Variants in ERC2 observed in about 807,000 individuals in gnomAD.
The protein encoded by ERC2 is ERC protein 2.
A neutral mutation model predicts 114.8 loss-of-function variants in ERC2; 42 were observed. That is an observed-to-expected ratio of 0.37 (90% CI 0.29 to 0.47). The LOEUF (loss-of-function observed/expected upper bound fraction) is 0.47, where lower values mean the gene tolerates loss of function less well. Among genes scored for constraint, ERC2 ranks in the 20% least tolerant of loss-of-function variants. The probability of loss-of-function intolerance (pLI) is 0.99; values close to 1 mark genes in which losing one functional copy is unlikely to be tolerated. For synonymous variants in ERC2, 454 were observed against 425.5 expected (o/e 1.07, Z -0.82); for missense variants, 939 against 1,150.7 (o/e 0.82, Z 2.66).
chr3:55,753,449 A>C (rs2066850147), intron 14 of ERC2, among the ~76,000 whole-genome samples: 1 of 152,054 alleles, frequency 6.6e-6, no homozygotes, highest in South Asian at 2.1e-4. Context: ...AAACTGCAAA[A>C]CCCCACAGGA....
At chr3:56,102,900 C>CT (rs200220674) in intron 6 of ERC2, among the ~76,000 whole-genome samples, 1,741 of 151,706 alleles carry the variant, frequency 0.011, 9 homozygotes, top group Middle Eastern at 0.017. Flanking sequence ...TATTTGACAA[C>CT]TTTTTTTTTG....
chr3:56,279,907 C>G (rs1454460611), intron 3 of ERC2, among the ~76,000 whole-genome samples: 2 of 152,110 alleles, frequency 1.3e-5, no homozygotes, highest in East Asian at 3.9e-4. Flanking sequence ...AGTAACGGAC[C>G]CCCTCAAAGA....
At chr3:56,072,479 A>C (rs548942849) in intron 7 of ERC2, 1 of 152,330 alleles carries the variant, frequency 6.6e-6, no homozygotes, top group South Asian at 2.1e-4. Flanking sequence ...ATATTTTCCA[A>C]ACCAGGAAAG....
At chr3:56,200,648 G>A (rs2048355409) in intron 3 of ERC2, among the ~76,000 whole-genome samples, 1 of 152,116 alleles carries the variant, frequency 6.6e-6, no homozygotes, top group South Asian at 2.1e-4. Flanking sequence ...TGCTGCTTAG[G>A]CTAAGGTGAC....
chr3:55,886,807 T>C (rs1019534430), intron 14 of ERC2, among the ~76,000 whole-genome samples: 66 of 152,260 alleles, frequency 4.3e-4, no homozygotes, highest in Admixed American at 5.2e-4. Flanking sequence ...TGTATCCTTT[T>C]AACAGTGTTA....
intron 7 of ERC2, chr3:56,072,023 G>T (rs1451610664): frequency 6.6e-6 from 1 of 152,182 alleles, no homozygotes; most frequent in Non-Finnish European, 1.5e-5. Flanking sequence ...TACACTGTTG[G>T]TGATTACTTG....
At chr3:56,048,610 A>C (rs748246013) in intron 7 of ERC2, among the ~76,000 whole-genome samples, 1 of 152,224 alleles carries the variant, frequency 6.6e-6, no homozygotes, top group African/African-American at 2.4e-5. Flanking sequence ...AAAATGTTTC[A>C]TTAACAAGAA....
In ERC2 at chr3:56,254,935, G is replaced by A. The variant is rs192159557; in HGVS notation, c.1074+41084C>T. 2.1e-3 allele frequency among the ~76,000 whole-genome samples: 324 copies of A among 152,186 alleles called. 5 individuals carry two copies. Among genetic ancestry groups the A allele is most frequent in the South Asian group, 5.4e-3 (26 of 4,806 alleles). On this transcript the variant is annotated intron_variant, in intron 3 of 17. Transcript: ENST00000288221. ...AGAAGATAATAATTTAGCTAATTCC[G>A]GTGAAAAATTATTGTAGCAATTATT...
intron 17 of ERC2, among the ~76,000 whole-genome samples, chr3:55,673,610 A>G (rs889443016): frequency 6.6e-6 from 1 of 152,014 alleles, no homozygotes; most frequent in African/African-American, 2.4e-5. Context: ...AAAAAAGAGG[A>G]GCAGAGAGGT....
chr3:55,691,561 AAAAAAAAAAAAAAT>A (rs1249974156), intron 16 of ERC2, among the ~76,000 whole-genome samples: 446 of 91,196 alleles, frequency 4.9e-3, no homozygotes, highest in Non-Finnish European at 5.9e-3. Context: ...AAAAAAAAAA[AAAAAAAAAAAAAAT>A]ATATATATAT....
chr3:56,390,363 T>G lies in ERC2; in HGVS notation c.657+43988A>C, dbSNP rs2060085556. Among the ~76,000 whole-genome samples, 6 of 152,214 alleles carry G rather than the reference T, an allele frequency of 3.9e-5. No individual in the cohort carries two copies. In the South Asian group the frequency reaches 1.2e-3, roughly 32 times the overall value. Reference sequence around the variant, plus strand: ...ATTTCACGACTTTCTTCTCCTAGCTTGCTTTTCAAACTAAACTAACACTAG... The same window carrying G: ...ATTTCACGACTTTCTTCTCCTAGCTGGCTTTTCAAACTAAACTAACACTAG... On this transcript the variant is annotated intron_variant, in intron 2 of 17. Transcript: ENST00000288221.
Position 55,970,102 on chromosome 3 carries a change from G to T in ERC2, c.2267+15875C>A, listed in dbSNP as rs1178128743. 9.9e-5 allele frequency among the ~76,000 whole-genome samples: 15 copies of T among 152,208 alleles called. No individual in the cohort carries two copies. The East Asian group carries it at 2.9e-3, about 29-fold the overall frequency. On this transcript the variant is annotated intron_variant, in intron 12 of 17. Coordinates refer to ENST00000288221, the MANE Select transcript of ERC2 (RefSeq NM_015576.3). ...CAGGAGCATATATGTTTGGGGTCAA[G>T]GTTCGCTTTATTTTAAAGTTTTGGC...
At chr3:56,461,252 G>A (rs1258059559) in intron 1 of ERC2, among the ~76,000 whole-genome samples, 1 of 152,174 alleles carries the variant, frequency 6.6e-6, no homozygotes. Context: ...TTTAGCAGAT[G>A]TGCTCAAAGA....
At chr3:55,548,655 T>C (rs995711763) in intron 17 of ERC2, among the ~76,000 whole-genome samples, 2 of 152,244 alleles carry the variant, frequency 1.3e-5, no homozygotes, top group Non-Finnish European at 2.9e-5. Context: ...ACCCCAGTTC[T>C]GACAATCAAA....
chr3:55,830,064 A>C (rs1270463694), intron 14 of ERC2, among the ~76,000 whole-genome samples: 4 of 152,204 alleles, frequency 2.6e-5, no homozygotes, highest in African/African-American at 9.6e-5. Context: ...CAAACAAATA[A>C]CAAACAAAAA....
chr3:56,182,478 G>A (rs2083341904), intron 3 of ERC2, among the ~76,000 whole-genome samples: 1 of 152,156 alleles, frequency 6.6e-6, no homozygotes, highest in South Asian at 2.1e-4. Flanking sequence ...ATAACTAACA[G>A]TTACTTACAC....
At chr3:55,841,400 T>A (rs1342120131) in intron 14 of ERC2, among the ~76,000 whole-genome samples, 1 of 152,180 alleles carries the variant, frequency 6.6e-6, no homozygotes, top group Non-Finnish European at 1.5e-5. Context: ...ATGTATGACA[T>A]GCCTTTGCTT....
intron 17 of ERC2, among the ~76,000 whole-genome samples, chr3:55,676,552 G>T (rs1232749030): frequency 1.3e-5 from 2 of 151,704 alleles, no homozygotes; most frequent in Non-Finnish European, 2.9e-5. Flanking sequence ...CCAGATGTGA[G>T]TGTCTGGACT....
At chr3:56,102,189 C>G (rs1266430966) in intron 6 of ERC2, among the ~76,000 whole-genome samples, 1 of 152,154 alleles carries the variant, frequency 6.6e-6, no homozygotes, top group Non-Finnish European at 1.5e-5. Context: ...GACACAAGCG[C>G]TCCCTCCAGC....
Sources: gnomAD v4.1 joint callset for allele counts (sites outside exome capture counted in the v4.1 genomes callset) on GRCh38, gnomAD v4.1.1 for gene constraint, MANE v1.5 for transcripts, NCBI Gene and HGNC (gene_info 2026-07-23, HGNC 2026-07-21) for gene names.